Variants in ZNF83 observed in about 807,000 individuals in gnomAD.
ZNF83 encodes zinc finger protein 83.
For missense variants in ZNF83, 552 were observed against 629.9 expected (o/e 0.88, Z 1.32); for synonymous variants, 209 against 213.0 (o/e 0.98, Z 0.17).
chr19:52,641,648 T>G (rs923262333), upstream of ZNF83, among the ~76,000 whole-genome samples: 1 of 152,192 alleles, frequency 6.6e-6, no homozygotes, highest in Admixed American at 6.5e-5. Flanking sequence ...TGGCGGCATC[T>G]CGATCATTTT....
intron 1 of ZNF83, chr19:52,674,190 T>A (rs2147322494): frequency 6.6e-6 from 1 of 152,306 alleles, no homozygotes; most frequent in Non-Finnish European, 1.5e-5. Flanking sequence ...ACCTGTTTCC[T>A]GTGAGGTTGG....
chr19:52,626,506 T>A (rs1309245208), intron 2 of ZNF83, among the ~76,000 whole-genome samples: 2 of 152,186 alleles, frequency 1.3e-5, no homozygotes, highest in East Asian at 3.8e-4. Context: ...GGACACTTTC[T>A]AACTGAGTGT....
At chr19:52,621,416 C>T (rs1292002910) in intron 2 of ZNF83, among the ~76,000 whole-genome samples, 1 of 152,174 alleles carries the variant, frequency 6.6e-6, no homozygotes, top group Admixed American at 6.5e-5. Context: ...AAAACTCCAG[C>T]GCTGGTCACG....
exon 3 of ZNF83, chr19:52,612,475 G>T (rs1468349151): frequency 1.3e-5 from 2 of 155,166 alleles, no homozygotes; most frequent in East Asian, 3.8e-4. Context: ...TTACTCTCCA[G>T]TATAAACCCT....
At chr19:52,625,973 CTCT>C (rs1221397598) in intron 2 of ZNF83, among the ~76,000 whole-genome samples, 1 of 152,136 alleles carries the variant, frequency 6.6e-6, no homozygotes, top group Non-Finnish European at 1.5e-5. Context: ...TGCAAAAGGC[CTCT>C]TCTTCTGTGG....
intron 2 of ZNF83, among the ~76,000 whole-genome samples, chr19:52,630,690 C>A (rs1392407241): frequency 6.6e-6 from 1 of 152,060 alleles, no homozygotes; most frequent in Non-Finnish European, 1.5e-5. Context: ...CCACTCCTTC[C>A]CTGGCAACTG....
intron 1 of ZNF83, among the ~76,000 whole-genome samples, chr19:52,685,266 C>T (rs763275454): frequency 3.0e-4 from 46 of 151,978 alleles, no homozygotes; most frequent in African/African-American, 8.5e-4. Flanking sequence ...GGGCTCAGAG[C>T]GGGGACATTT....
intron 2 of ZNF83, among the ~76,000 whole-genome samples, chr19:52,633,294 G>C (rs2061036001): frequency 6.7e-6 from 1 of 150,374 alleles, no homozygotes; most frequent in Non-Finnish European, 1.5e-5. Flanking sequence ...TCCCTTCGCT[G>C]ACTCTCTTTT....
intron 3 of ZNF83, chr19:52,652,498 C>A (rs1471217765): frequency 6.7e-6 from 3 of 446,786 alleles, no homozygotes; most frequent in Non-Finnish European, 1.4e-5. Flanking sequence ...CATATGAATT[C>A]TCCTGTGTTT....
intron 1 of ZNF83, among the ~76,000 whole-genome samples, chr19:52,672,233 C>CA (rs974579937): frequency 3.3e-5 from 5 of 151,490 alleles, no homozygotes; most frequent in African/African-American, 7.3e-5. Context: ...GATTCTGTCT[C>CA]AAAAAAATAA....
chr19:52,664,341 C>T (rs1377683552), intron 1 of ZNF83, among the ~76,000 whole-genome samples: 1 of 152,012 alleles, frequency 6.6e-6, no homozygotes, highest in African/African-American at 2.4e-5. Flanking sequence ...ATGAGGAACA[C>T]AAAAATTTGC....
At chr19:52,631,243 T>G (rs2060948056) in intron 2 of ZNF83, among the ~76,000 whole-genome samples, 1 of 151,900 alleles carries the variant, frequency 6.6e-6, no homozygotes, top group South Asian at 2.1e-4. Context: ...CTCTCCCTGC[T>G]GATCGTGTCC....
At chr19:52,635,075 A>G (rs1409510528) in exon 2 of ZNF83, 2 of 727,980 alleles carry the variant, frequency 2.7e-6, no homozygotes, top group Non-Finnish European at 5.0e-6. Flanking sequence ...CCTGAGGAAG[A>G]ACCATTCCTG....
intron 2 of ZNF83, among the ~76,000 whole-genome samples, chr19:52,631,408 G>C (rs1016747245): frequency 1.2e-4 from 18 of 152,178 alleles, no homozygotes; most frequent in African/African-American, 3.6e-4. Flanking sequence ...GGCTGGCCAT[G>C]ATGTCTGCGT....
rs67570337 is a variant in ZNF83, at chr19:52,674,015, C to CAA, written c.-282-13174_-282-13173dup. 5.3e-3 allele frequency among the ~76,000 whole-genome samples: 380 copies of CAA among 72,376 alleles called. 5 individuals are homozygous for CAA. Among genetic ancestry groups the CAA allele is most frequent in the African/African-American group, 0.011 (209 of 19,082 alleles). 47.5% of individuals were successfully genotyped at this position (72,376 alleles called of 152,430 possible). On this transcript the variant is annotated intron_variant, in intron 1 of 5. Transcript: ENST00000594682. ...TGGGTAACAGAGTGAGACTCCATCT[C>CAA]AAAAAAAAAAAAAAAAAAAAAAATT...
chr19:52,651,924 A>T (rs764924497), intron 3 of ZNF83: 4 of 174,078 alleles, frequency 2.3e-5, no homozygotes, highest in Non-Finnish European at 4.0e-5. Flanking sequence ...CTCAATGTTA[A>T]GTCAACTCAA....
chr19:52,686,459 CATAT>C (rs3055374), intron 1 of ZNF83, among the ~76,000 whole-genome samples: 11 of 143,128 alleles, frequency 7.7e-5, no homozygotes, highest in South Asian at 2.2e-4. Flanking sequence ...AAAAAAATTA[CATAT>C]ATATATATAT....
At chr19:52,666,221 G>A (rs1221994874) in intron 1 of ZNF83, among the ~76,000 whole-genome samples, 1 of 151,440 alleles carries the variant, frequency 6.6e-6, no homozygotes, top group Non-Finnish European at 1.5e-5. Context: ...AAGAGACAGA[G>A]AGACAAAAAG....
chr19:52,631,635 C>G (rs2060965104), intron 2 of ZNF83, among the ~76,000 whole-genome samples: 1 of 152,262 alleles, frequency 6.6e-6, no homozygotes, highest in Non-Finnish European at 1.5e-5. Context: ...CGGCCTCCCA[C>G]ATTATTCTGG....
Sources: allele counts gnomAD v4.1 joint callset (sites outside exome capture counted in the v4.1 genomes callset), GRCh38; gene constraint gnomAD v4.1.1; transcripts MANE v1.5; gene names NCBI Gene and HGNC (gene_info 2026-07-23, HGNC 2026-07-21).